Variants in RHBDD1 observed in about 807,000 individuals in gnomAD.
RHBDD1 encodes the protein rhomboid-related protein 4.
In RHBDD1, 38 loss-of-function variants were observed where a neutral mutation model predicts 36.3. The ratio of observed to expected loss-of-function variants is 1.05; its 90% CI spans 0.81 to 1.37. The LOEUF (loss-of-function observed/expected upper bound fraction) is 1.37, where lower values mean the gene tolerates loss of function less well. RHBDD1 is among the 40% of genes most tolerant of loss of function. RHBDD1 has a pLI of 0.00. For synonymous variants in RHBDD1, 151 were observed against 136.5 expected (o/e 1.11, Z -0.74); for missense variants, 393 against 377.6 (o/e 1.04, Z -0.34).
At chr2:226,917,965 G>A (rs562035055) in intron 8 of RHBDD1, among the ~76,000 whole-genome samples, 2 of 152,114 alleles carry the variant, frequency 1.3e-5, no homozygotes, top group Non-Finnish European at 2.9e-5. Context: ...TGAAAAAATT[G>A]TGGAAGATAG....
At chr2:226,959,021 A>G (rs1309356941) in intron 8 of RHBDD1, among the ~76,000 whole-genome samples, 1 of 152,152 alleles carries the variant, frequency 6.6e-6, no homozygotes, top group African/African-American at 2.4e-5. Flanking sequence ...GACTGGTAAT[A>G]GTTCTCTTTA....
intron 8 of RHBDD1, among the ~76,000 whole-genome samples, chr2:226,934,833 C>T (rs1372284985): frequency 6.6e-6 from 1 of 151,334 alleles, no homozygotes. Flanking sequence ...CCCCACATCC[C>T]TCTGTGCATA....
At chr2:226,973,924 G>A (rs1381922756) in intron 8 of RHBDD1, among the ~76,000 whole-genome samples, 6 of 152,226 alleles carry the variant, frequency 3.9e-5, no homozygotes, top group East Asian at 1.9e-4. Flanking sequence ...TCTCCTTTTC[G>A]TTCGCATGGG....
the RHBDD1 span, among the ~76,000 whole-genome samples, chr2:226,809,152 G>C: frequency 6.6e-6 from 1 of 152,186 alleles, no homozygotes. Context: ...AGAGAAAGTA[G>C]ATAGACAAAA....
At chr2:226,895,260 A>G (rs1185394834) in intron 5 of RHBDD1, among the ~76,000 whole-genome samples, 1 of 152,200 alleles carries the variant, frequency 6.6e-6, no homozygotes, top group Non-Finnish European at 1.5e-5. Flanking sequence ...ACCATGGGGT[A>G]GACTGCTGGG....
chr2:226,881,339 A>G (rs1335087914), intron 5 of RHBDD1, among the ~76,000 whole-genome samples: 2 of 152,182 alleles, frequency 1.3e-5, no homozygotes, highest in Non-Finnish European at 2.9e-5. Context: ...AATTATTAGC[A>G]TTATTCTCTT....
rs553048388 is a variant in RHBDD1, at chr2:226,986,218, A to C, written c.857-9213A>C. On this transcript the variant is annotated intron_variant, in intron 8 of 8. Coordinates refer to ENST00000392062, the MANE Select transcript of RHBDD1 (RefSeq NM_001167608.3). ...AAGGACTCAGAAAGAGCCACAGACC[A>C]AAAGAGACTAAGGAGACTTGGTAAC... Among the ~76,000 whole-genome samples, 4 of 152,354 alleles carry C rather than the reference A, an allele frequency of 2.6e-5. No individual in the cohort carries two copies. In the East Asian group the frequency reaches 7.7e-4, roughly 29 times the overall value.
the RHBDD1 span, among the ~76,000 whole-genome samples, chr2:226,800,543 T>A: frequency 1.3e-5 from 2 of 151,982 alleles, no homozygotes; most frequent in Non-Finnish European, 2.9e-5. Flanking sequence ...AGGGAGAAAA[T>A]GTAAATATCA....
chr2:226,993,586 G>A (rs1958740701), intron 8 of RHBDD1, among the ~76,000 whole-genome samples: 2 of 152,118 alleles, frequency 1.3e-5, no homozygotes. Context: ...AATACATATG[G>A]CAAAAACGTT....
intron 8 of RHBDD1, among the ~76,000 whole-genome samples, chr2:226,948,139 T>A (rs1455414058): frequency 2.0e-5 from 3 of 150,748 alleles, no homozygotes; most frequent in Non-Finnish European, 4.4e-5. Flanking sequence ...GCGGCATTAT[T>A]CTCAATAGCA....
chr2:226,948,871 A>G (rs1951215177), intron 8 of RHBDD1, among the ~76,000 whole-genome samples: 1 of 152,186 alleles, frequency 6.6e-6, no homozygotes. Context: ...AGATGGCATG[A>G]TCCTATATCC....
At chr2:226,901,897 T>G (rs1018757767) in intron 5 of RHBDD1, among the ~76,000 whole-genome samples, 3 of 152,180 alleles carry the variant, frequency 2.0e-5, no homozygotes, top group African/African-American at 7.2e-5. Context: ...TTTAGATACA[T>G]GTATTTTATG....
the RHBDD1 span, among the ~76,000 whole-genome samples, chr2:226,825,509 AATAG>A: frequency 5.7e-4 from 87 of 152,346 alleles, no homozygotes; most frequent in Admixed American, 1.2e-3. Flanking sequence ...TAAAACACTC[AATAG>A]ATAAATACTT....
At chr2:226,929,328 T>G (rs917783914) in intron 8 of RHBDD1, among the ~76,000 whole-genome samples, 3 of 151,916 alleles carry the variant, frequency 2.0e-5, no homozygotes, top group Admixed American at 2.0e-4. Flanking sequence ...CATCCCAGGG[T>G]AGCAGGAATG....
chr2:226,943,595 C>T (rs1199038162), intron 8 of RHBDD1, among the ~76,000 whole-genome samples: 1 of 152,126 alleles, frequency 6.6e-6, no homozygotes, highest in Non-Finnish European at 1.5e-5. Context: ...CTATATAGAA[C>T]ACCTACTCTC....
chr2:226,829,194 T>C, the RHBDD1 span, among the ~76,000 whole-genome samples: 1 of 152,172 alleles, frequency 6.6e-6, no homozygotes, highest in African/African-American at 2.4e-5. Flanking sequence ...ACTGACCACA[T>C]AGGGGGTTAT....
At chr2:226,869,472 A>G (rs1488801920) in intron 5 of RHBDD1, among the ~76,000 whole-genome samples, 2 of 152,206 alleles carry the variant, frequency 1.3e-5, no homozygotes, top group African/African-American at 4.8e-5. Flanking sequence ...ATGGTTGTCA[A>G]TTAGAATTTT....
At chr2:226,917,214 T>G (rs1000872531) in intron 8 of RHBDD1, among the ~76,000 whole-genome samples, 1 of 152,060 alleles carries the variant, frequency 6.6e-6, no homozygotes, top group African/African-American at 2.4e-5. Flanking sequence ...TTCAGAGATT[T>G]CAGAAAGTCA....
At chr2:226,854,173 T>C (rs1236891870) in intron 3 of RHBDD1, among the ~76,000 whole-genome samples, 2 of 152,222 alleles carry the variant, frequency 1.3e-5, no homozygotes, top group Non-Finnish European at 2.9e-5. Flanking sequence ...TATATGGTAC[T>C]TATGTTTCAG....
Sources: allele counts gnomAD v4.1 joint callset (sites outside exome capture counted in the v4.1 genomes callset), GRCh38; gene constraint gnomAD v4.1.1; transcripts MANE v1.5; gene names NCBI Gene and HGNC (gene_info 2026-07-23, HGNC 2026-07-21).